The following PMS1 variants were observed in gnomAD, a reference collection of about 807,000 sequenced individuals.
PMS1 encodes PMS1 protein homolog 1.
In PMS1, 79 loss-of-function variants were observed where a neutral mutation model predicts 93.1. The ratio of observed to expected loss-of-function variants is 0.85; its 90% confidence interval spans 0.71 to 1.02. PMS1 has a LOEUF of 1.02. Ranked by LOEUF, PMS1 falls within the 50% of genes least tolerant of loss-of-function variation. The pLI is 0.00. For missense variants in PMS1, 1,064 were observed against 1,085.3 expected, an observed-to-expected ratio of 0.98 and a Z score of 0.28; for synonymous variants, 335 against 363.4, an observed-to-expected ratio of 0.92 and a Z score of 0.89.
At position 189,875,955 on chromosome 2, in the gene PMS1, C is replaced by CAAAAAAA. The variant is rs561168809; in HGVS notation, c.2635-1298_2635-1292dup. Among the ~76,000 whole-genome samples, 440 of 46,164 alleles carry CAAAAAAA rather than the reference C, an allele frequency of 9.5e-3. 26 individuals carry two copies. The highest frequency in any genetic ancestry group is 0.033 in the African/African-American group (409 of 12,338). The allele number at this position is 46,164 out of a possible 152,430, so 30.3% of individuals were successfully genotyped here. ...TGGGCGATAGAGCTAGACTCTGTCTCAAAAAAAAAAAAAAAAAAAAAAAAA... is the reference window on the plus strand; with the variant it reads ...TGGGCGATAGAGCTAGACTCTGTCTCAAAAAAAAAAAAAAAAAAAAAAAAAAAAAAAA... On this transcript the variant is annotated intron_variant, in intron 12 of 12. Transcript: ENST00000441310.
intron 9 of PMS1, among the ~76,000 whole-genome samples, chr2:189,860,291 G>A (rs553161879): frequency 7.9e-5 from 12 of 152,248 alleles, no homozygotes; most frequent in African/African-American, 2.9e-4. Context: ...GGTTTTGCCA[G>A]TACTTGAACT....
Position 189,877,428 on chromosome 2 carries a change from A to G in PMS1, c.2791A>G (p.Thr931Ala). ...TCATCATTTAACCTATCTTCCAGAA[A>G]CTACATGATTAAATATGTTTAAGAA... Reference protein sequence around the residue: ...FFHHLTYLPETT With the variant: ...FFHHLTYLPEAT Residue 931 changes from threonine (T) to alanine (A), a missense_variant, in exon 13 of 13, where the codon ACT becomes GCT. By Grantham distance (58) the Thr-to-Ala change is moderately conservative. Transcript: ENST00000441310. The G allele has an allele frequency of 3.7e-6, 6 of 1,607,816 alleles. No individual in the cohort carries two copies. Among genetic ancestry groups the G allele is most frequent in the Non-Finnish European group, 5.1e-6 (6 of 1,174,346 alleles).
At chr2:189,786,479 G>A (rs1053210818) in intron 1 of PMS1, among the ~76,000 whole-genome samples, 2 of 152,158 alleles carry the variant, frequency 1.3e-5, no homozygotes, top group African/African-American at 4.8e-5. Context: ...TGTAGAGAGC[G>A]AGTAGAATTT....
At chr2:189,869,266 G>T (rs1396842560) in intron 11 of PMS1, among the ~76,000 whole-genome samples, 1 of 152,194 alleles carries the variant, frequency 6.6e-6, no homozygotes, top group African/African-American at 2.4e-5. Context: ...AAATCAGTGA[G>T]CATGGTACTT....
At chr2:189,807,693 TG>T (rs931368431) in intron 4 of PMS1, among the ~76,000 whole-genome samples, 6 of 152,364 alleles carry the variant, frequency 3.9e-5, no homozygotes, top group Non-Finnish European at 4.4e-5. Flanking sequence ...GCCCTTTTGC[TG>T]TTGATTTTCC....
At chr2:189,832,862 G>A (rs1199486646) in intron 5 of PMS1, among the ~76,000 whole-genome samples, 1 of 152,090 alleles carries the variant, frequency 6.6e-6, no homozygotes. Flanking sequence ...TGAAATATTT[G>A]TTACTTAAAT....
intron 5 of PMS1, among the ~76,000 whole-genome samples, chr2:189,830,277 C>T (rs971149008): frequency 5.9e-5 from 9 of 152,162 alleles, no homozygotes; most frequent in African/African-American, 2.2e-4. Flanking sequence ...CCTCTGATTT[C>T]ATTAATCTTT....
intron 4 of PMS1, among the ~76,000 whole-genome samples, chr2:189,814,969 G>C (rs2051159178): frequency 6.6e-6 from 1 of 151,946 alleles, no homozygotes; most frequent in Non-Finnish European, 1.5e-5. Flanking sequence ...CGGGCTGGCA[G>C]GTTCCTGTAG....
intron 3 of PMS1, among the ~76,000 whole-genome samples, chr2:189,802,351 G>GA (rs1030853128): frequency 1.3e-5 from 2 of 152,136 alleles, no homozygotes; most frequent in Non-Finnish European, 2.9e-5. Flanking sequence ...ATAAACTAGT[G>GA]AAAAGAATGT....
intron 11 of PMS1, 125 bp downstream of exon 11, chr2:189,868,054 GC>G (rs1292756865): frequency 4.9e-6 from 4 of 815,560 alleles, no homozygotes; most frequent in Admixed American, 3.8e-5. Context: ...TACAGTGTCA[GC>G]TATGTTAAAA....
intron 2 of PMS1, among the ~76,000 whole-genome samples, chr2:189,794,014 G>T (rs775915647): frequency 1.6e-4 from 25 of 151,948 alleles, no homozygotes; most frequent in Non-Finnish European, 2.6e-4. Flanking sequence ...TCTCAGCCTC[G>T]TAAATTGCTG....
At chr2:189,835,868 T>C (rs2053335454) in intron 5 of PMS1, among the ~76,000 whole-genome samples, 1 of 143,216 alleles carries the variant, frequency 7.0e-6, no homozygotes, top group Non-Finnish European at 1.5e-5. Flanking sequence ...CTGAGGCTGC[T>C]GTCAACTATG....
At chr2:189,850,298 A>C (rs1346424300) in intron 6 of PMS1, among the ~76,000 whole-genome samples, 2 of 152,298 alleles carry the variant, frequency 1.3e-5, no homozygotes, top group Middle Eastern at 3.4e-3. Context: ...TTAGGAGACC[A>C]GCCAGGGTTA....
chr2:189,790,043 G>A (rs1423365163), intron 1 of PMS1, among the ~76,000 whole-genome samples: 2 of 152,158 alleles, frequency 1.3e-5, no homozygotes, highest in Non-Finnish European at 2.9e-5. Flanking sequence ...GATCTATAAA[G>A]GACCTCAAAT....
intron 3 of PMS1, among the ~76,000 whole-genome samples, chr2:189,802,801 G>A (rs922443783): frequency 6.6e-6 from 1 of 152,144 alleles, no homozygotes; most frequent in Non-Finnish European, 1.5e-5. Context: ...GGGTTGTCTC[G>A]TATATTTTTT....
Position 189,854,496 on chromosome 2 carries a change from TCAC to T in PMS1, c.1227_1229del (p.His409del), listed in dbSNP as rs777855415. The T allele has an allele frequency of 1.9e-6, 3 of 1,613,664 alleles. No individual in the cohort carries two copies. In the African/African-American group the frequency reaches 4.0e-5, roughly 22 times the overall value. On this transcript the variant is annotated inframe_deletion, in exon 9 of 13. Transcript: ENST00000441310. ...GAAAAAACACTGATGATTGTTTAAA[TCAC>T]CAGATAAGTATTGGTGACTTTGGTT...
chr2:189,854,789 A>T lies in PMS1; in HGVS notation c.1517A>T (p.Asn506Ile). The T allele has an allele frequency of 6.8e-6, 11 of 1,613,678 alleles. No homozygotes were observed. Among genetic ancestry groups the T allele is most frequent in the Non-Finnish European group, 9.3e-6 (11 of 1,179,696 alleles). Residue 506 changes from asparagine (N) to isoleucine (I), a missense_variant, in exon 9 of 13, where the codon AAT becomes ATT. By Grantham distance (149) the Asn-to-Ile change is moderately radical. Coordinates refer to ENST00000441310, the MANE Select transcript of PMS1 (RefSeq NM_000534.5). ...DEWSRGNILK[N>I]SVGENIEPVK... ...TGGAGCAGGGGAAATATACTTAAAA[A>T]TTCAGTGGGAGAGAATATTGAACCT...
rs2057540238 is a variant in PMS1, at chr2:189,876,054, GAATC to G, written c.2635-1215_2635-1212del. ...ATTTAAGGTTTAGAAAGAAGAAACT[GAATC>G]AAGAGCAGAAAACAGAAAAGGGGAA... On this transcript the variant is annotated intron_variant, in intron 12 of 12. Transcript: ENST00000441310. Among the ~76,000 whole-genome samples, 4 of 150,332 alleles carry G rather than the reference GAATC, an allele frequency of 2.7e-5. No individual in the cohort carries two copies. The South Asian group carries it at 8.4e-4, about 32-fold the overall frequency.
At chr2:189,825,242 C>A (rs1211686280) in intron 5 of PMS1, among the ~76,000 whole-genome samples, 1 of 152,062 alleles carries the variant, frequency 6.6e-6, no homozygotes, top group African/African-American at 2.4e-5. Context: ...TCCTTGAAAG[C>A]ATAGTGAATA....
Sources: gnomAD v4.1 joint callset for allele counts (sites outside exome capture counted in the v4.1 genomes callset) on GRCh38, gnomAD v4.1.1 for gene constraint, MANE v1.5 for transcripts, NCBI Gene and HGNC (gene_info 2026-07-23, HGNC 2026-07-21) for gene names.